EXPH5: variants seen among roughly 807,000 people sequenced by gnomAD.
EXPH5 encodes the protein exophilin 5.
Under a neutral mutation model 41.1 loss-of-function variants are expected in EXPH5, and 42 were observed. The observed-to-expected ratio is 1.02, with a 90% confidence interval of 0.80 to 1.32. The LOEUF is 1.32. Ranked by LOEUF, EXPH5 falls within the 40% of genes most tolerant of loss-of-function variation. The pLI is 0.00. For synonymous variants in EXPH5, 798 were observed against 833.5 expected (o/e 0.96, Z 0.73); for missense variants, 2,298 against 2,314.5 (o/e 0.99, Z 0.15).
chr11:108,600,714 A>G, the EXPH5 span, among the ~76,000 whole-genome samples: 13 of 152,194 alleles, frequency 8.5e-5, no homozygotes, highest in Admixed American at 8.5e-4. Context: ...CACTTGCTGT[A>G]TTAGTCATTT....
intron 1 of EXPH5, among the ~76,000 whole-genome samples, chr11:108,559,682 T>A (rs1367118012): frequency 6.6e-6 from 1 of 152,190 alleles, no homozygotes; most frequent in Non-Finnish European, 1.5e-5. Context: ...GCAGAACATC[T>A]TTTTTTCCCC....
In EXPH5 at chr11:108,514,816, T is replaced by C; in HGVS notation, c.691A>G (p.Arg231Gly). 6.4e-7 allele frequency: 1 copy of C among 1,574,384 alleles called. No homozygotes were observed. Among genetic ancestry groups the C allele is most frequent in the Non-Finnish European group, 8.6e-7 (1 of 1,165,970 alleles). Residue 231 changes from arginine to glycine, a missense_variant, in exon 6 of 6, where the codon AGA becomes GGA. Coordinates refer to ENST00000265843, the MANE Select transcript of EXPH5 (RefSeq NM_015065.3). ...CTTGATCCATAGTTGAGGGGTGTTC[T>C]GGTATTCACTGAGCTTGCAGACTGT... ...QEQSASSVNT[R>G]TPLNYGSRTQ...
chr11:108,574,898 C>T (rs1179976295), intron 1 of EXPH5, among the ~76,000 whole-genome samples: 1 of 152,212 alleles, frequency 6.6e-6, no homozygotes, highest in African/African-American at 2.4e-5. Flanking sequence ...AATGTGATGT[C>T]TGGAGCAGCT....
chr11:108,566,412 G>A (rs2094034845), intron 1 of EXPH5, among the ~76,000 whole-genome samples: 1 of 152,160 alleles, frequency 6.6e-6, no homozygotes, highest in African/African-American at 2.4e-5. Context: ...CCTTCTGAGT[G>A]AAGGAAGCTT....
intron 1 of EXPH5, among the ~76,000 whole-genome samples, chr11:108,543,418 A>G (rs1010800511): frequency 6.6e-6 from 1 of 152,214 alleles, no homozygotes; most frequent in South Asian, 2.1e-4. Flanking sequence ...ATGAACAGAA[A>G]GTGGAGTTTG....
intron 1 of EXPH5, among the ~76,000 whole-genome samples, chr11:108,556,449 A>G (rs2093990440): frequency 1.3e-5 from 2 of 152,096 alleles, no homozygotes; most frequent in East Asian, 1.9e-4. Flanking sequence ...CATCCCATCA[A>G]TTTTATTTTT....
At chr11:108,538,169 T>G (rs1273745887) in intron 3 of EXPH5, 2 of 985,410 alleles carry the variant, frequency 2.0e-6, no homozygotes, top group Non-Finnish European at 1.2e-6. Flanking sequence ...TTGCTGCCTC[T>G]TGTTTCTCAG....
At chr11:108,601,969 G>A in the EXPH5 span, among the ~76,000 whole-genome samples, 15 of 152,024 alleles carry the variant, frequency 9.9e-5, no homozygotes, top group East Asian at 2.3e-3. Flanking sequence ...GGCTGGTCTC[G>A]AACTCCTGGA....
intron 1 of EXPH5, among the ~76,000 whole-genome samples, chr11:108,555,978 C>A (rs749093093): frequency 2.6e-5 from 4 of 152,176 alleles, no homozygotes; most frequent in Admixed American, 6.5e-5. Context: ...CACTCTGGCT[C>A]CCCTTCCATC....
At chr11:108,523,129 G>A (rs1591684993) in intron 4 of EXPH5, among the ~76,000 whole-genome samples, 1 of 148,356 alleles carries the variant, frequency 6.7e-6, no homozygotes, top group Non-Finnish European at 1.5e-5. Flanking sequence ...TTTCACCTTG[G>A]CATCCTAAAG....
intron 3 of EXPH5, among the ~76,000 whole-genome samples, chr11:108,534,587 G>GT (rs2093866966): frequency 6.6e-6 from 1 of 152,144 alleles, no homozygotes; most frequent in Admixed American, 6.5e-5. Context: ...TAATTGCCTG[G>GT]CTTAGTCTTA....
chr11:108,552,171 C>A (rs1344625971), intron 1 of EXPH5: 3 of 109,110 alleles, frequency 2.7e-5, no homozygotes, highest in Non-Finnish European at 6.6e-5. Context: ...GAAGAGAAAG[C>A]CCTGTGGTTC....
intron 3 of EXPH5, among the ~76,000 whole-genome samples, chr11:108,529,643 G>A (rs1028168053): frequency 6.6e-6 from 1 of 152,066 alleles, no homozygotes; most frequent in African/African-American, 2.4e-5. Context: ...CCAGGAGTTC[G>A]AGACCAGCCT....
chr11:108,564,178 T>C (rs2094024834), intron 1 of EXPH5, among the ~76,000 whole-genome samples: 1 of 151,954 alleles, frequency 6.6e-6, no homozygotes, highest in African/African-American at 2.4e-5. Flanking sequence ...ACCCCAGTTA[T>C]TCAGGAGGCT....
At chr11:108,541,844 T>C in intron 1 of EXPH5, 32 bp from the exon 2 acceptor site, 1 of 1,519,244 alleles carries the variant, frequency 6.6e-7, no homozygotes, top group Non-Finnish European at 8.9e-7. Context: ...ATGTGGTCTT[T>C]ATTTATTTTC....
chr11:108,593,783 G>T (rs2094134393), upstream of EXPH5: 2 of 1,533,028 alleles, frequency 1.3e-6, no homozygotes, highest in South Asian at 2.4e-5. Context: ...GCTAAAGGGA[G>T]AGAGGGAACC....
chr11:108,596,739 G>A (rs1391070855), upstream of EXPH5, among the ~76,000 whole-genome samples: 1 of 152,156 alleles, frequency 6.6e-6, no homozygotes, highest in South Asian at 2.1e-4. Context: ...TCAGCACTGA[G>A]GCATGCTTCA....
At chr11:108,519,683 A>G (rs2093751622) in intron 4 of EXPH5, among the ~76,000 whole-genome samples, 1 of 151,770 alleles carries the variant, frequency 6.6e-6, no homozygotes, top group Admixed American at 6.6e-5. Flanking sequence ...GGAAGGCGGA[A>G]GTTGTAGTGA....
the EXPH5 span, among the ~76,000 whole-genome samples, chr11:108,601,571 G>A: frequency 6.6e-6 from 1 of 152,036 alleles, no homozygotes; most frequent in Non-Finnish European, 1.5e-5. Context: ...TCCCTTCAAG[G>A]TGTAATTTCA....
Sources: gnomAD v4.1 joint callset for allele counts (sites outside exome capture counted in the v4.1 genomes callset) on GRCh38, gnomAD v4.1.1 for gene constraint, MANE v1.5 for transcripts, NCBI Gene and HGNC (gene_info 2026-07-23, HGNC 2026-07-21) for gene names.